The following PDGFRA variants were observed in gnomAD, a reference collection of about 807,000 sequenced individuals.
The protein encoded by PDGFRA is platelet derived growth factor receptor alpha.
A neutral mutation model predicts 121.5 loss-of-function variants in PDGFRA; 25 were observed. The observed-to-expected ratio is 0.21, with a 90% confidence interval of 0.15 to 0.29. PDGFRA has a LOEUF of 0.29. Ranked by LOEUF, PDGFRA falls within the 10% of genes least tolerant of loss-of-function variation. The pLI is 1.00. For synonymous variants in PDGFRA, 463 were observed against 494.8 expected, an observed-to-expected ratio of 0.94 and a Z score of 0.85; for missense variants, 1,008 against 1,345.1, an observed-to-expected ratio of 0.75 and a Z score of 3.92.
intron 2 of PDGFRA, among the ~76,000 whole-genome samples, chr4:54,260,408 T>TGTTTTG (rs763166140): frequency 3.0e-5 from 4 of 132,944 alleles, no homozygotes; most frequent in Admixed American, 2.3e-4. Flanking sequence ...TTTTTTTTTT[T>TGTTTTG]TTTTTTTTTT....
chr4:54,296,990 G>A lies in PDGFRA; in HGVS notation c.*1718G>A, dbSNP rs1387985928. On this transcript the variant is annotated 3_prime_UTR_variant, in exon 23 of 23. Transcript: ENST00000257290. ...GGAGATTGAACTTTCCCCGTCTCCC[G>A]TCTTCTGCCTCCCACTCCATACCCC... The A allele has an allele frequency of 8.6e-6, 2 of 232,936 alleles. No individual in the cohort carries two copies. Among genetic ancestry groups the A allele is most frequent in the Admixed American group, 5.6e-5 (1 of 17,768 alleles). 14.4% of individuals were successfully genotyped at this position (232,936 alleles called of 1,614,324 possible).
intron 15 of PDGFRA, 63 bp from the exon 16 acceptor site, chr4:54,280,253 T>G: frequency 1.7e-6 from 1 of 574,780 alleles, no homozygotes; most frequent in Non-Finnish European, 2.8e-6. Context: ...CATCATCTAC[T>G]GAAAGTGGAA....
At chr4:54,233,267 G>T (rs1035238184) in intron 1 of PDGFRA, among the ~76,000 whole-genome samples, 8 of 152,248 alleles carry the variant, frequency 5.3e-5, no homozygotes, top group African/African-American at 1.9e-4. Flanking sequence ...TGGTGGAGGT[G>T]GGAGGGAGAG....
chr4:54,287,165 G>A (rs960394159), intron 18 of PDGFRA, among the ~76,000 whole-genome samples: 1 of 152,084 alleles, frequency 6.6e-6, no homozygotes, highest in East Asian at 1.9e-4. Context: ...GAAAATTCAG[G>A]ATTAATGTTT....
chr4:54,280,129 G>A (rs1179849437), intron 15 of PDGFRA, among the ~76,000 whole-genome samples, 187 bp from the exon 16 acceptor site: 2 of 152,052 alleles, frequency 1.3e-5, no homozygotes, highest in East Asian at 1.9e-4. Context: ...GTATTTGTGC[G>A]ACTATTTGAT....
chr4:54,293,755 G>A (rs1016467321), intron 22 of PDGFRA, among the ~76,000 whole-genome samples: 1 of 152,134 alleles, frequency 6.6e-6, no homozygotes, highest in Non-Finnish European at 1.5e-5. Context: ...CAGCACCAAG[G>A]TGGAGCTAAT....
Position 54,264,976 on chromosome 4 carries a change from A to C in PDGFRA, c.686A>C (p.Glu229Ala). The change falls in exon 5 of 23, where the codon GAA (glutamate) becomes GCA (alanine). Residue 229 changes from glutamate to alanine, a missense_variant. By Grantham distance (107) the Glu-to-Ala change is moderately radical. Around this residue, in one of 5 missense-constraint regions of PDGFRA, gnomAD observed 575 missense variants for 701.8 expected, o/e 0.82. Transcript: ENST00000257290. ...CTTAAAACCGTGTATAAGTCAGGGG[A>C]AACGATTGTGGTCACCTGTGCTGTT... ...EALKTVYKSG[E>A]TIVVTCAVFN... 6.2e-7 allele frequency: 1 copy of C among 1,613,470 alleles called. No individual in the cohort carries two copies.
intron 8 of PDGFRA, 118 bp downstream of exon 8, chr4:54,270,866 T>C (rs568294385): frequency 1.4e-6 from 1 of 706,342 alleles, no homozygotes; most frequent in South Asian, 1.5e-5. Context: ...AGAAGCAGTG[T>C]CTGCATATGT....
intron 14 of PDGFRA, 114 bp downstream of exon 14, chr4:54,278,120 G>A (rs1223150158): frequency 1.3e-6 from 1 of 772,276 alleles, no homozygotes; most frequent in Admixed American, 2.0e-5. Flanking sequence ...GGGAATAGAA[G>A]TCCCTTGAAT....
intron 22 of PDGFRA, among the ~76,000 whole-genome samples, chr4:54,293,359 A>C (rs1724723575): frequency 6.6e-6 from 1 of 150,542 alleles, no homozygotes; most frequent in South Asian, 2.1e-4. Flanking sequence ...TTCTGTCAAG[A>C]GGTATGCACT....
chr4:54,260,406 T>TG (rs1722626753), intron 2 of PDGFRA, among the ~76,000 whole-genome samples: 3 of 88,694 alleles, frequency 3.4e-5, no homozygotes, highest in African/African-American at 1.3e-4. Flanking sequence ...GGTTTTTTTT[T>TG]TTTTTTTTTT....
In PDGFRA at chr4:54,261,207, A is replaced by G. The variant is rs878854822; in HGVS notation, c.162A>G (p.Glu54=). 3.7e-6 allele frequency: 6 copies of G among 1,614,034 alleles called. No individual in the cohort carries two copies. Among genetic ancestry groups the G allele is most frequent in the Non-Finnish European group, 4.2e-6 (5 of 1,180,006 alleles). ...SFSLRCFGES[E]VSWQYPMSEE... is the part of the protein sequence containing the mutation. ...CTCTGAGATGCTTTGGGGAGAGTGAAGTGAGCTGGCAGTACCCCATGTCTG... is the reference window on the plus strand; with the variant it reads ...CTCTGAGATGCTTTGGGGAGAGTGAGGTGAGCTGGCAGTACCCCATGTCTG... Residue 54 remains glutamate (E), a synonymous_variant, in exon 3 of 23, where the codon GAA becomes GAG. Transcript: ENST00000257290.
intron 7 of PDGFRA, among the ~76,000 whole-genome samples, chr4:54,268,354 T>C (rs1473015300): frequency 2.6e-5 from 4 of 152,172 alleles, no homozygotes; most frequent in Non-Finnish European, 4.4e-5. Flanking sequence ...TCATCTACAA[T>C]GTAGGATAAA....
At chr4:54,252,052 C>G (rs1006178174) in intron 1 of PDGFRA, among the ~76,000 whole-genome samples, 1 of 152,146 alleles carries the variant, frequency 6.6e-6, no homozygotes, top group Non-Finnish European at 1.5e-5. Flanking sequence ...ATTCTAGTCT[C>G]GTCTGTTGTT....
rs2110323077 is a variant in PDGFRA, at chr4:54,280,305, T to C, written c.2157-11T>C. On this transcript the variant is annotated splice_polypyrimidine_tract_variant and intron_variant, in intron 15 of 22. Transcript: ENST00000257290. ...GCACCCTGGGTAAGATTTCTCTTTC[T>C]GTTTTTACAGCTATGTTATTTTATC... 6.2e-7 allele frequency: 1 copy of C among 1,612,702 alleles called. No individual in the cohort carries two copies. Among genetic ancestry groups the C allele is most frequent in the South Asian group, 1.1e-5 (1 of 91,012 alleles).
At chr4:54,259,812 G>A (rs183520252) in intron 2 of PDGFRA, among the ~76,000 whole-genome samples, 15 of 152,250 alleles carry the variant, frequency 9.9e-5, no homozygotes, top group Admixed American at 3.9e-4. Context: ...AGTTGGGTGG[G>A]AGTCTCACAC....
At chr4:54,277,236 T>A in intron 12 of PDGFRA, 152 bp from the exon 13 acceptor site, 1 of 701,980 alleles carries the variant, frequency 1.4e-6, no homozygotes, top group South Asian at 1.5e-5. Flanking sequence ...CTCAATTCCT[T>A]TTTTGACACG....
At chr4:54,281,035 T>C (rs1724053192) in intron 16 of PDGFRA, among the ~76,000 whole-genome samples, 1 of 152,248 alleles carries the variant, frequency 6.6e-6, no homozygotes, top group Non-Finnish European at 1.5e-5. Context: ...TTATATTTTC[T>C]GGACCAGTGT....
rs1724417810 is a variant in PDGFRA at position 54,287,540 on chromosome 4, T to C, written c.2673T>C (p.Leu891=). 1.7e-6 allele frequency: 2 copies of C among 1,206,788 alleles called. No individual in the cohort carries two copies. Among genetic ancestry groups the C allele is most frequent in the Non-Finnish European group, 2.5e-6 (2 of 807,788 alleles). The allele number at this position is 1,206,788 out of a possible 1,614,324, so 74.8% of individuals were successfully genotyped here. The change falls in exon 19 of 23, where the codon CTT becomes CTC. Residue 891 remains leucine (L), a splice_region_variant and synonymous_variant. Transcript: ENST00000257290. ...TTCTGCTCTGGGAGATCTTTTCCCT[T>C]GGTATGGGCCTGACATTGCTGCTTA... ...YGILLWEIFS[L]GGTPYPGMMV...
Sources: allele counts gnomAD v4.1 joint callset (sites outside exome capture counted in the v4.1 genomes callset), GRCh38; gene constraint gnomAD v4.1.1; regional missense constraint gnomAD v4.1.1; transcripts MANE v1.5; gene names NCBI Gene and HGNC (gene_info 2026-07-23, HGNC 2026-07-21).